The following DLG2 variants were observed in gnomAD, a reference collection of about 807,000 sequenced individuals.
The protein encoded by DLG2 is discs large MAGUK scaffold protein 2.
DLG2 carries 45 observed loss-of-function variants against 132.5 expected under a neutral mutation model. The ratio of observed to expected loss-of-function variants is 0.34; its 90% CI spans 0.27 to 0.44. The LOEUF (loss-of-function observed/expected upper bound fraction) is 0.44. DLG2 is among the 20% of genes least tolerant of loss of function. The pLI is 1.00. For synonymous variants in DLG2, 424 were observed against 419.6 expected (o/e 1.01, Z -0.13); for missense variants, 1,045 against 1,196.9 (o/e 0.87, Z 1.87).
At chr11:84,115,807 A>G (rs1331089886) in intron 9 of DLG2, among the ~76,000 whole-genome samples, 1 of 152,060 alleles carries the variant, frequency 6.6e-6, no homozygotes, top group Non-Finnish European at 1.5e-5. Context: ...CTTTATCACC[A>G]TCTACCCTTA....
At chr11:84,073,913 G>A (rs974801863) in intron 10 of DLG2, among the ~76,000 whole-genome samples, 5 of 152,110 alleles carry the variant, frequency 3.3e-5, no homozygotes, top group African/African-American at 4.8e-5. Context: ...ATATACGTAC[G>A]CAGGGAAAAT....
chr11:84,998,782 C>T (rs762926379), intron 6 of DLG2, among the ~76,000 whole-genome samples: 12 of 151,988 alleles, frequency 7.9e-5, no homozygotes, highest in Non-Finnish European at 1.5e-4. Flanking sequence ...CCAATTCCAA[C>T]TGCCCACCAT....
At chr11:84,458,161 G>A (rs2099070436) in intron 7 of DLG2, among the ~76,000 whole-genome samples, 1 of 150,770 alleles carries the variant, frequency 6.6e-6, no homozygotes, top group South Asian at 2.1e-4. Context: ...GTGCTTCAGA[G>A]CTATGATTTC....
intron 11 of DLG2, among the ~76,000 whole-genome samples, chr11:84,025,690 C>T (rs895006763): frequency 5.9e-5 from 9 of 152,084 alleles, no homozygotes; most frequent in Admixed American, 4.6e-4. Context: ...CTAAAAATAA[C>T]AAACACCATA....
chr11:85,205,803 A>C (rs2081847385), intron 4 of DLG2, among the ~76,000 whole-genome samples: 1 of 152,172 alleles, frequency 6.6e-6, no homozygotes, highest in Non-Finnish European at 1.5e-5. Context: ...GTGGTTATCT[A>C]TTCAACTATA....
chr11:84,553,813 T>C (rs2099406627), intron 6 of DLG2, among the ~76,000 whole-genome samples: 1 of 152,242 alleles, frequency 6.6e-6, no homozygotes, highest in Non-Finnish European at 1.5e-5. Context: ...AGTTTGATAA[T>C]TTCTTCTTAA....
At chr11:84,859,586 G>A (rs2154028146) in intron 6 of DLG2, among the ~76,000 whole-genome samples, 2 of 151,244 alleles carry the variant, frequency 1.3e-5, no homozygotes, top group South Asian at 4.2e-4. Context: ...AGGAAAGAAT[G>A]CTAGATAATA....
chr11:85,132,931 C>T, intron 5 of DLG2: 1 of 427,928 alleles, frequency 2.3e-6, no homozygotes, highest in African/African-American at 2.0e-5. Flanking sequence ...TCCAAGGGGG[C>T]CCCTCATGGG....
At chr11:85,357,548 A>G (rs1257392170) in intron 3 of DLG2, among the ~76,000 whole-genome samples, 1 of 140,808 alleles carries the variant, frequency 7.1e-6, no homozygotes, top group East Asian at 2.1e-4. Flanking sequence ...TATGACTACA[A>G]GTCTTCTGAT....
At chr11:84,887,620 G>A (rs957478861) in intron 6 of DLG2, among the ~76,000 whole-genome samples, 6 of 152,062 alleles carry the variant, frequency 3.9e-5, no homozygotes, top group African/African-American at 1.4e-4. Flanking sequence ...TCAAGAGAAT[G>A]GGCATCAAAT....
intron 6 of DLG2, among the ~76,000 whole-genome samples, chr11:84,964,364 T>C (rs1465939491): frequency 6.6e-6 from 1 of 152,134 alleles, no homozygotes; most frequent in East Asian, 1.9e-4. Context: ...TAACTGATTT[T>C]TGAAATTTAA....
chr11:85,023,206 A>T (rs530937531), intron 6 of DLG2, among the ~76,000 whole-genome samples: 61 of 152,196 alleles, frequency 4.0e-4, no homozygotes, highest in African/African-American at 1.4e-3. Context: ...TCTTAGAATG[A>T]GGTAAAAATA....
At chr11:84,810,962 G>A (rs1035660994) in intron 6 of DLG2, among the ~76,000 whole-genome samples, 1 of 152,056 alleles carries the variant, frequency 6.6e-6, no homozygotes, top group African/African-American at 2.4e-5. Flanking sequence ...GCAATGAAAG[G>A]ACAACATGTG....
intron 6 of DLG2, among the ~76,000 whole-genome samples, chr11:84,841,020 T>C (rs1474714678): frequency 6.9e-6 from 1 of 144,558 alleles, no homozygotes; most frequent in African/African-American, 2.5e-5. Context: ...AAAAAAAAAA[T>C]GGAAACAGTA....
At chr11:85,414,394 T>A (rs2089627278) in intron 3 of DLG2, among the ~76,000 whole-genome samples, 1 of 151,986 alleles carries the variant, frequency 6.6e-6, no homozygotes, top group Admixed American at 6.6e-5. Context: ...CTTTATCTCT[T>A]CCTCTTGTCT....
At chr11:84,023,910 T>C (rs1014414494) in intron 11 of DLG2, among the ~76,000 whole-genome samples, 7 of 152,308 alleles carry the variant, frequency 4.6e-5, no homozygotes, top group East Asian at 3.9e-4. Flanking sequence ...TTCTCTTCTT[T>C]ATGATTTTCT....
chr11:84,757,103 G>T (rs918227162), intron 6 of DLG2, among the ~76,000 whole-genome samples: 2 of 151,978 alleles, frequency 1.3e-5, no homozygotes, highest in Non-Finnish European at 1.5e-5. Context: ...CTCTACTCTG[G>T]AATTCTCTTC....
chr11:84,237,148 T>C (rs1181227725), intron 8 of DLG2, among the ~76,000 whole-genome samples: 1 of 152,090 alleles, frequency 6.6e-6, no homozygotes, highest in African/African-American at 2.4e-5. Flanking sequence ...CACGATGGTC[T>C]CCATCTCCTG....
At chr11:84,301,510 A>T (rs563544865) in intron 7 of DLG2, among the ~76,000 whole-genome samples, 2 of 152,044 alleles carry the variant, frequency 1.3e-5, no homozygotes, top group Non-Finnish European at 2.9e-5. Context: ...ACAAAAAAAA[A>T]TTAGCCAGGC....
Sources: gnomAD v4.1 joint callset for allele counts (sites outside exome capture counted in the v4.1 genomes callset) on GRCh38, gnomAD v4.1.1 for gene constraint, MANE v1.5 for transcripts, NCBI Gene and HGNC (gene_info 2026-07-23, HGNC 2026-07-21) for gene names.